NTRK3: variants seen among roughly 807,000 people sequenced by gnomAD.
The protein encoded by NTRK3 is neurotrophic receptor tyrosine kinase 3.
A neutral mutation model predicts 91.7 loss-of-function variants in NTRK3; 24 were observed. The ratio of observed to expected loss-of-function variants is 0.26; its 90% CI spans 0.19 to 0.37. The LOEUF is 0.37. Ranked by LOEUF, NTRK3 falls within the 10% of genes least tolerant of loss-of-function variation. The pLI, the probability that NTRK3 is intolerant of heterozygous loss-of-function variation, is 1.00. For missense variants in NTRK3, 880 were observed against 1,068.9 expected (o/e 0.82, Z 2.46); for synonymous variants, 483 against 404.0 (o/e 1.20, Z -2.34).
chr15:87,905,983 T>C (rs193250513), intron 17 of NTRK3, among the ~76,000 whole-genome samples: 7 of 152,240 alleles, frequency 4.6e-5, no homozygotes, highest in Admixed American at 4.6e-4. Flanking sequence ...CCCCAACACA[T>C]CTACTGCTCC....
intron 13 of NTRK3, among the ~76,000 whole-genome samples, chr15:88,055,521 A>T (rs899706890): frequency 2.6e-5 from 4 of 152,166 alleles, no homozygotes; most frequent in Admixed American, 2.6e-4. Context: ...TCATCACAGC[A>T]TCTCCTTAGA....
intron 5 of NTRK3, among the ~76,000 whole-genome samples, 190 bp from the exon 6 acceptor site, chr15:88,147,593 G>T (rs1186975896): frequency 6.6e-6 from 1 of 151,628 alleles, no homozygotes; most frequent in African/African-American, 2.4e-5. Context: ...AATAGCTGAG[G>T]GCATAGATCA....
At chr15:87,970,234 G>C (rs1161025586) in intron 14 of NTRK3, among the ~76,000 whole-genome samples, 3 of 152,198 alleles carry the variant, frequency 2.0e-5, no homozygotes, top group Non-Finnish European at 4.4e-5. Flanking sequence ...ACCAGCCTGG[G>C]CGGATGGCCA....
exon 19 of NTRK3, chr15:87,872,056 C>T (rs1247812313): frequency 9.0e-6 from 2 of 221,844 alleles, no homozygotes; most frequent in Non-Finnish European, 1.8e-5. Flanking sequence ...AAGCCCGGAA[C>T]TAAATGTGCC....
At chr15:88,161,246 T>C (rs2044426418) in intron 5 of NTRK3, among the ~76,000 whole-genome samples, 1 of 152,174 alleles carries the variant, frequency 6.6e-6, no homozygotes, top group African/African-American at 2.4e-5. Flanking sequence ...CATCTCTGTT[T>C]TACAGAGAGG....
chr15:87,999,377 C>G (rs974607041), intron 14 of NTRK3, among the ~76,000 whole-genome samples: 1 of 152,174 alleles, frequency 6.6e-6, no homozygotes, highest in African/African-American at 2.4e-5. Context: ...ACTTAGTAGT[C>G]TAAACTTGCC....
chr15:88,190,131 G>A (rs1476149038), intron 3 of NTRK3, among the ~76,000 whole-genome samples: 2 of 152,146 alleles, frequency 1.3e-5, no homozygotes, highest in Non-Finnish European at 2.9e-5. Flanking sequence ...ACAGGTAGCA[G>A]GCCCAGTATT....
At chr15:87,962,694 G>C (rs2072412165) in intron 14 of NTRK3, among the ~76,000 whole-genome samples, 1 of 152,188 alleles carries the variant, frequency 6.6e-6, no homozygotes. Flanking sequence ...GCCTTTTACA[G>C]CCAGCTTCAA....
intron 13 of NTRK3, among the ~76,000 whole-genome samples, chr15:88,060,538 C>A (rs2046123933): frequency 6.6e-6 from 1 of 152,004 alleles, no homozygotes; most frequent in South Asian, 2.1e-4. Flanking sequence ...GGGAAGTGAC[C>A]AGTGGCAAGA....
intron 13 of NTRK3, among the ~76,000 whole-genome samples, chr15:88,086,489 A>T (rs1301490101): frequency 6.8e-6 from 1 of 146,122 alleles, no homozygotes; most frequent in Non-Finnish European, 1.5e-5. Flanking sequence ...ACATAATTAG[A>T]ATTAATTTCA....
intron 5 of NTRK3, among the ~76,000 whole-genome samples, chr15:88,170,453 C>T (rs1040819654): frequency 6.6e-6 from 1 of 152,194 alleles, no homozygotes; most frequent in African/African-American, 2.4e-5. Context: ...CCCACAGCAC[C>T]CTGTTGGGTA....
intron 14 of NTRK3, chr15:87,981,201 A>G: frequency 6.4e-7 from 1 of 1,557,680 alleles, no homozygotes. Context: ...TACTGCATAC[A>G]AAGACGTCAA....
chr15:88,179,868 G>T (rs1467751287), intron 5 of NTRK3, among the ~76,000 whole-genome samples: 1 of 152,172 alleles, frequency 6.6e-6, no homozygotes, highest in African/African-American at 2.4e-5. Flanking sequence ...GAACTTATCC[G>T]AATTTATTCA....
At chr15:87,919,803 C>T (rs2067725504) in intron 17 of NTRK3, among the ~76,000 whole-genome samples, 1 of 152,170 alleles carries the variant, frequency 6.6e-6, no homozygotes, top group Non-Finnish European at 1.5e-5. Context: ...TGCTTCAAAA[C>T]TGGAGTTTGT....
chr15:88,109,295 C>T (rs938841250), intron 13 of NTRK3, among the ~76,000 whole-genome samples: 1 of 152,170 alleles, frequency 6.6e-6, no homozygotes, highest in African/African-American at 2.4e-5. Context: ...AGTCACCTCA[C>T]CAAAGGAGCA....
intron 10 of NTRK3, among the ~76,000 whole-genome samples, chr15:88,132,948 C>A (rs2041510055): frequency 6.6e-6 from 1 of 152,106 alleles, no homozygotes; most frequent in Non-Finnish European, 1.5e-5. Flanking sequence ...CTCCCTCCAT[C>A]CTCCTGGGGC....
chr15:88,102,541 G>A (rs908581957), intron 13 of NTRK3, among the ~76,000 whole-genome samples: 1 of 152,118 alleles, frequency 6.6e-6, no homozygotes, highest in African/African-American at 2.4e-5. Flanking sequence ...ATGATAAATG[G>A]TTGAGTCGAT....
intron 14 of NTRK3, among the ~76,000 whole-genome samples, chr15:88,032,398 G>A (rs538644863): frequency 6.6e-6 from 1 of 152,250 alleles, no homozygotes; most frequent in African/African-American, 2.4e-5. Context: ...GGGCACTGGA[G>A]GGGCAGCTAG....
chr15:87,887,443 C>T (rs2065614348), intron 17 of NTRK3, among the ~76,000 whole-genome samples: 1 of 152,196 alleles, frequency 6.6e-6, no homozygotes, highest in South Asian at 2.1e-4. Flanking sequence ...AGTGAAGCAA[C>T]AGCCTGCCTA....
Sources: allele counts gnomAD v4.1 joint callset (sites outside exome capture counted in the v4.1 genomes callset), GRCh38; gene constraint gnomAD v4.1.1; transcripts MANE v1.5; gene names NCBI Gene and HGNC (gene_info 2026-07-23, HGNC 2026-07-21).